MRTFB: variants seen among roughly 807,000 people sequenced by gnomAD.
MRTFB encodes myocardin-related transcription factor B.
In MRTFB, 29 loss-of-function variants were observed where a neutral mutation model predicts 104.2. That is an observed-to-expected ratio of 0.28 (90% CI 0.21 to 0.38). The LOEUF is 0.38. Among genes scored for constraint, MRTFB ranks in the 10% least tolerant of loss-of-function variants. The pLI is 1.00. For synonymous variants in MRTFB, 535 were observed against 519.5 expected, an observed-to-expected ratio of 1.03 and a Z score of -0.41; for missense variants, 1,270 against 1,341.6, an observed-to-expected ratio of 0.95 and a Z score of 0.83.
intron 15 of MRTFB, among the ~76,000 whole-genome samples, chr16:14,254,826 A>G (rs1024245459): frequency 2.0e-5 from 3 of 152,250 alleles, no homozygotes; most frequent in African/African-American, 7.2e-5. Flanking sequence ...ATCTCAAAGG[A>G]AAAAGGCTGA....
At chr16:14,046,163 G>C in the MRTFB span, among the ~76,000 whole-genome samples, 1 of 152,082 alleles carries the variant, frequency 6.6e-6, no homozygotes, top group Non-Finnish European at 1.5e-5. Flanking sequence ...ATGACACATA[G>C]TAGGTTGTTG....
chr16:14,261,741 AAAG>A lies in MRTFB; in HGVS notation c.*302_*304del, dbSNP rs762446171. Reference sequence around the variant, plus strand: ...ATGAAAAGTACCTTTAGATAAAAACAAAGAAGAGTAATATATGCAGCACAGTGA... The same window carrying A: ...ATGAAAAGTACCTTTAGATAAAAACAAAGAGTAATATATGCAGCACAGTGA... On this transcript the variant is annotated 3_prime_UTR_variant, in exon 17 of 17. Coordinates refer to ENST00000571589, the MANE Select transcript of MRTFB (RefSeq NM_001308142.2). 1 of 302,946 alleles carries A rather than the reference AAAG, an allele frequency of 3.3e-6. No homozygotes were observed. The highest frequency in any genetic ancestry group is 7.6e-5 in the South Asian group (1 of 13,222). The allele number at this position is 302,946 out of a possible 1,614,324, so 18.8% of individuals were successfully genotyped here.
At chr16:14,074,186 G>C (rs1251528223) in intron 1 of MRTFB, among the ~76,000 whole-genome samples, 1 of 152,048 alleles carries the variant, frequency 6.6e-6, no homozygotes, top group African/African-American at 2.4e-5. Flanking sequence ...CAAAACAGAA[G>C]GCTATACTTT....
the MRTFB span, among the ~76,000 whole-genome samples, chr16:14,017,051 T>G: frequency 0.02 from 2,230 of 111,692 alleles, 68 homozygotes; most frequent in African/African-American, 0.063. Context: ...TGCTGCAGTC[T>G]TCTTCTTTTT....
chr16:14,157,168 G>A (rs1367063605), intron 3 of MRTFB, among the ~76,000 whole-genome samples: 1 of 152,152 alleles, frequency 6.6e-6, no homozygotes, highest in Non-Finnish European at 1.5e-5. Flanking sequence ...GAATATCAGA[G>A]TGACTTGGTA....
chr16:14,206,798 G>A (rs185411848), intron 3 of MRTFB, among the ~76,000 whole-genome samples: 13 of 152,052 alleles, frequency 8.5e-5, no homozygotes, highest in East Asian at 1.9e-4. Context: ...GTCTCGTCCC[G>A]GCCTCCCAAA....
intron 2 of MRTFB, among the ~76,000 whole-genome samples, chr16:14,086,017 A>T (rs960476961): frequency 2.0e-5 from 3 of 152,208 alleles, no homozygotes; most frequent in African/African-American, 7.2e-5. Context: ...TAGACATGGG[A>T]AAGTTTTTCA....
At chr16:14,059,868 G>A in the MRTFB span, among the ~76,000 whole-genome samples, 54 of 152,104 alleles carry the variant, frequency 3.6e-4, no homozygotes, top group Non-Finnish European at 6.0e-4. Context: ...GTGGGGCCTC[G>A]GACTTTAAAT....
intron 8 of MRTFB, among the ~76,000 whole-genome samples, chr16:14,231,480 ACCCAGGTACTAAG>A (rs953918807): frequency 6.6e-6 from 1 of 152,018 alleles, no homozygotes; most frequent in South Asian, 2.1e-4. Context: ...TTCTTTTGTC[ACCCAGGTACTAAG>A]CCCAATACTC....
At chr16:14,007,922 ATTTGTCTT>A in the MRTFB span, among the ~76,000 whole-genome samples, 2 of 152,096 alleles carry the variant, frequency 1.3e-5, no homozygotes, top group Middle Eastern at 3.4e-3. Flanking sequence ...TAATGGGGTT[ATTTGTCTT>A]TTTATTATTG....
intron 8 of MRTFB, among the ~76,000 whole-genome samples, chr16:14,224,307 ATAGAG>A (rs778673721): frequency 6.6e-6 from 1 of 152,234 alleles, no homozygotes; most frequent in Non-Finnish European, 1.5e-5. Flanking sequence ...GTGAAACATC[ATAGAG>A]TATACTTACA....
chr16:14,080,145 T>C (rs1895756884), intron 2 of MRTFB, among the ~76,000 whole-genome samples: 1 of 152,212 alleles, frequency 6.6e-6, no homozygotes, highest in African/African-American at 2.4e-5. Context: ...TATATCATTG[T>C]ATACTTGTTC....
intron 9 of MRTFB, among the ~76,000 whole-genome samples, chr16:14,235,434 C>T (rs535998370): frequency 1.3e-5 from 2 of 152,338 alleles, no homozygotes; most frequent in South Asian, 4.1e-4. Context: ...TCTGCGTGCA[C>T]AGCCCTCCTT....
chr16:14,193,584 C>G (rs899821393), intron 3 of MRTFB: 1 of 152,324 alleles, frequency 6.6e-6, no homozygotes, highest in East Asian at 1.9e-4. Context: ...ATCCCTCCCC[C>G]CTCTAGACTG....
intron 2 of MRTFB, among the ~76,000 whole-genome samples, chr16:14,117,031 T>A (rs114950471): frequency 6.2e-4 from 94 of 152,266 alleles, no homozygotes; most frequent in African/African-American, 2.2e-3. Context: ...GGACATGGCA[T>A]GTGAGAATAT....
the MRTFB span, among the ~76,000 whole-genome samples, chr16:14,043,669 C>T: frequency 1.3e-5 from 2 of 152,200 alleles, no homozygotes; most frequent in Non-Finnish European, 2.9e-5. Context: ...CCTTTTCTAC[C>T]TGTACAATGG....
the MRTFB span, among the ~76,000 whole-genome samples, chr16:14,045,668 G>C: frequency 1.2e-4 from 18 of 152,196 alleles, no homozygotes; most frequent in Non-Finnish European, 1.9e-4. Flanking sequence ...TCAGTTAGAA[G>C]CAATTCATGT....
chr16:14,165,463 T>C (rs2039200086), intron 3 of MRTFB, among the ~76,000 whole-genome samples: 1 of 152,178 alleles, frequency 6.6e-6, no homozygotes, highest in South Asian at 2.1e-4. Flanking sequence ...CCAAACACCC[T>C]GCAGACTGTG....
chr16:14,161,715 T>C (rs1381558515), intron 3 of MRTFB, among the ~76,000 whole-genome samples: 1 of 152,128 alleles, frequency 6.6e-6, no homozygotes, highest in African/African-American at 2.4e-5. Context: ...CTTTAGCATA[T>C]AGAAGGACTT....
Sources: gnomAD v4.1 joint callset for allele counts (sites outside exome capture counted in the v4.1 genomes callset) on GRCh38, gnomAD v4.1.1 for gene constraint, MANE v1.5 for transcripts, NCBI Gene and HGNC (gene_info 2026-07-23, HGNC 2026-07-21) for gene names.